MCTP1: variants seen among roughly 807,000 people sequenced by gnomAD.
The protein encoded by MCTP1 is multiple C2 and transmembrane domain-containing protein 1.
In MCTP1, 69 loss-of-function variants were observed where a neutral mutation model predicts 120.6. That is an observed-to-expected ratio of 0.57 (90% confidence interval 0.47 to 0.70). The LOEUF (loss-of-function observed/expected upper bound fraction) is 0.70. Among genes scored for constraint, MCTP1 ranks in the 30% least tolerant of loss-of-function variants. The pLI is 0.00. For synonymous variants in MCTP1, 529 were observed against 493.1 expected, an observed-to-expected ratio of 1.07 and a Z score of -0.96; for missense variants, 1,203 against 1,248.8, an observed-to-expected ratio of 0.96 and a Z score of 0.55.
chr5:94,871,207 A>G (rs1339391199), intron 14 of MCTP1, 108 bp downstream of exon 14: 4 of 766,140 alleles, frequency 5.2e-6, no homozygotes, highest in East Asian at 2.6e-5. Flanking sequence ...CTTATTACAG[A>G]CCTTGGTTGA....
chr5:95,147,307 C>A (rs926909201), intron 1 of MCTP1, among the ~76,000 whole-genome samples: 2 of 152,068 alleles, frequency 1.3e-5, no homozygotes, highest in Non-Finnish European at 2.9e-5. Context: ...AGGATGGTCT[C>A]GATCTCCTGA....
At chr5:95,027,494 C>T (rs1012718393) in intron 1 of MCTP1, among the ~76,000 whole-genome samples, 4 of 152,114 alleles carry the variant, frequency 2.6e-5, no homozygotes, top group Non-Finnish European at 1.5e-5. Context: ...GCTGGAGAGG[C>T]CAGAAGGCCA....
intron 17 of MCTP1, among the ~76,000 whole-genome samples, chr5:94,865,895 T>C (rs188125018): frequency 8.0e-4 from 122 of 152,084 alleles, no homozygotes; most frequent in Middle Eastern, 6.8e-3. Flanking sequence ...AATTCGCTAA[T>C]GCATGTAAAA....
chr5:95,032,003 T>C (rs189318569), intron 1 of MCTP1, among the ~76,000 whole-genome samples: 53 of 152,244 alleles, frequency 3.5e-4, no homozygotes, highest in Admixed American at 7.9e-4. Flanking sequence ...ATAAGGGCAT[T>C]ATGTAATGAT....
chr5:94,794,622 T>C (rs533885203), intron 18 of MCTP1, among the ~76,000 whole-genome samples: 119 of 152,350 alleles, frequency 7.8e-4, no homozygotes, highest in African/African-American at 2.5e-3. Flanking sequence ...TTACTTATCC[T>C]CCTTGATACT....
At chr5:94,989,385 T>C (rs1181042691) in intron 2 of MCTP1, among the ~76,000 whole-genome samples, 1 of 152,224 alleles carries the variant, frequency 6.6e-6, no homozygotes, top group Admixed American at 6.5e-5. Flanking sequence ...CATTCATTTA[T>C]TGTCTCACAG....
chr5:94,755,737 C>A (rs1292218812), intron 19 of MCTP1, among the ~76,000 whole-genome samples: 1 of 152,190 alleles, frequency 6.6e-6, no homozygotes, highest in Non-Finnish European at 1.5e-5. Flanking sequence ...TAAATAGATG[C>A]ATTCTCCACA....
chr5:95,255,080 CTTCAT>C (rs1400947674), intron 1 of MCTP1, among the ~76,000 whole-genome samples: 1 of 152,064 alleles, frequency 6.6e-6, no homozygotes, highest in Non-Finnish European at 1.5e-5. Context: ...AAATGTATGC[CTTCAT>C]TTGAGTATGG....
chr5:95,060,618 G>A (rs188757109), intron 1 of MCTP1, among the ~76,000 whole-genome samples: 13 of 152,218 alleles, frequency 8.5e-5, no homozygotes, highest in Non-Finnish European at 5.9e-5. Flanking sequence ...TAGTTTATGA[G>A]TCTATCTAAA....
At chr5:95,000,726 G>C in intron 2 of MCTP1, among the ~76,000 whole-genome samples, 1 of 152,160 alleles carries the variant, frequency 6.6e-6, no homozygotes, top group Middle Eastern at 3.4e-3. Context: ...AGTTAAAAAA[G>C]ATTACAATGA....
At chr5:95,083,861 A>G (rs1431010215) in intron 1 of MCTP1, among the ~76,000 whole-genome samples, 1 of 152,206 alleles carries the variant, frequency 6.6e-6, no homozygotes, top group Non-Finnish European at 1.5e-5. Context: ...TAAACGGTGG[A>G]AGCGTTAAAT....
chr5:95,031,330 G>T (rs764231648), intron 1 of MCTP1, among the ~76,000 whole-genome samples: 1 of 151,790 alleles, frequency 6.6e-6, no homozygotes, highest in East Asian at 1.9e-4. Flanking sequence ...ACATAGAGTC[G>T]TCTGATTTTC....
chr5:95,033,976 A>G (rs925026264), intron 1 of MCTP1, among the ~76,000 whole-genome samples: 10 of 151,890 alleles, frequency 6.6e-5, no homozygotes, highest in African/African-American at 2.2e-4. Flanking sequence ...TACAATAGCC[A>G]CACACAAAAA....
chr5:94,836,372 G>A (rs948940588), intron 17 of MCTP1, among the ~76,000 whole-genome samples: 1 of 151,886 alleles, frequency 6.6e-6, no homozygotes, highest in Non-Finnish European at 1.5e-5. Context: ...GCACACATAG[G>A]GCCAATTTAA....
intron 1 of MCTP1, among the ~76,000 whole-genome samples, chr5:95,042,588 C>T (rs1077306): frequency 0.014 from 2,121 of 152,286 alleles, 53 homozygotes; most frequent in African/African-American, 0.047. Flanking sequence ...CATGCATTGG[C>T]TGCATACTCT....
intron 1 of MCTP1, among the ~76,000 whole-genome samples, chr5:95,076,571 A>C (rs1386527462): frequency 6.6e-6 from 1 of 151,986 alleles, no homozygotes; most frequent in African/African-American, 2.4e-5. Context: ...AGTTACATGG[A>C]GTTAAGGTTT....
At chr5:94,901,661 G>A (rs1339709430) in intron 10 of MCTP1, among the ~76,000 whole-genome samples, 1 of 151,454 alleles carries the variant, frequency 6.6e-6, no homozygotes, top group Non-Finnish European at 1.5e-5. Flanking sequence ...CATGTGAAAG[G>A]AATATTCATC....
chr5:95,172,705 A>T (rs1747478029), intron 1 of MCTP1, among the ~76,000 whole-genome samples: 1 of 152,164 alleles, frequency 6.6e-6, no homozygotes, highest in Admixed American at 6.5e-5. Flanking sequence ...TATGCACAAT[A>T]CATATTTGTT....
intron 1 of MCTP1, among the ~76,000 whole-genome samples, chr5:95,055,512 A>G (rs922115801): frequency 2.0e-5 from 3 of 152,238 alleles, no homozygotes; most frequent in African/African-American, 7.2e-5. Context: ...ACAGCTCTAG[A>G]AAGAGACTGA....
Sources: allele counts gnomAD v4.1 joint callset (sites outside exome capture counted in the v4.1 genomes callset), GRCh38; gene constraint gnomAD v4.1.1; transcripts MANE v1.5; gene names NCBI Gene and HGNC (gene_info 2026-07-23, HGNC 2026-07-21).